The following FOXK1 variants were observed in gnomAD, a reference collection of about 807,000 sequenced individuals.
The protein encoded by FOXK1 is forkhead box protein K1.
In FOXK1, 19 loss-of-function variants were observed where a neutral mutation model predicts 51.9. The ratio of observed to expected loss-of-function variants is 0.37; its 90% CI spans 0.26 to 0.54. The LOEUF (loss-of-function observed/expected upper bound fraction) is 0.54, where lower values mean the gene tolerates loss of function less well. FOXK1 is among the 20% of genes least tolerant of loss of function. The pLI is 0.87. For missense variants in FOXK1, 870 were observed against 1,032.7 expected, an observed-to-expected ratio of 0.84 and a Z score of 2.16; for synonymous variants, 537 against 482.6, an observed-to-expected ratio of 1.11 and a Z score of -1.48.
chr7:4,738,861 C>G (rs1780592467), intron 1 of FOXK1, among the ~76,000 whole-genome samples: 1 of 152,174 alleles, frequency 6.6e-6, no homozygotes, highest in African/African-American at 2.4e-5. Context: ...CTGATTTTCT[C>G]TCTTCCATGT....
intron 1 of FOXK1, among the ~76,000 whole-genome samples, chr7:4,705,469 A>G (rs909337109): frequency 1.3e-5 from 2 of 149,446 alleles, no homozygotes; most frequent in South Asian, 2.1e-4. Context: ...GGCATAAGCA[A>G]TCATGCCTGG....
Position 4,711,386 on chromosome 7 carries a change from G to T in FOXK1, c.560+28518G>T, listed in dbSNP as rs1490608067. 1.3e-5 allele frequency among the ~76,000 whole-genome samples: 2 copies of T among 152,114 alleles called. No individual in the cohort carries two copies. Among genetic ancestry groups the T allele is most frequent in the African/African-American group, 4.8e-5 (2 of 41,424 alleles). On this transcript the variant is annotated intron_variant, in intron 1 of 8. Coordinates refer to ENST00000328914, the MANE Select transcript of FOXK1 (RefSeq NM_001037165.2). This position sits in a 1 kb window ranked among gnomAD's most constrained non-coding sequence, Gnocchi z 6.3. ...GAGAGGGTGTGGCAGTCCGGGGGTGGGTCCCAGCCAGCCGCCAGCTCTCCC... is the reference window on the plus strand; with the variant it reads ...GAGAGGGTGTGGCAGTCCGGGGGTGTGTCCCAGCCAGCCGCCAGCTCTCCC...
rs1780973565 is a variant in FOXK1 at position 4,763,991 on chromosome 7, C to CAGCCTCTCA, written c.*1528_*1536dup. 6.6e-6 allele frequency: 1 copy of CAGCCTCTCA among 152,340 alleles called. No individual in the cohort carries two copies. The highest frequency in any genetic ancestry group is 2.1e-4 in the South Asian group (1 of 4,836). The allele number at this position is 152,340 out of a possible 1,614,324, so 9.4% of individuals were successfully genotyped here. A position where few individuals can be genotyped will look rare whatever the true frequency, so the allele number is the denominator to read the frequency against. On this transcript the variant is annotated 3_prime_UTR_variant, in exon 9 of 9. Coordinates refer to ENST00000328914, the MANE Select transcript of FOXK1 (RefSeq NM_001037165.2). ...TGGAAATCGCCCGTCCTCCGCATCA[C>CAGCCTCTCA]AGCCTCTCACCAGCAAAGCAGCCTC... is the stretch of plus-strand genomic sequence containing the variant.
At chr7:4,699,693 G>A (rs1433341241) in intron 1 of FOXK1, among the ~76,000 whole-genome samples, 1 of 152,100 alleles carries the variant, frequency 6.6e-6, no homozygotes, top group Non-Finnish European at 1.5e-5. Flanking sequence ...TGATCACTTG[G>A]TTTAGGTGTT....
chr7:4,720,255 T>C (rs1332994062), intron 1 of FOXK1, among the ~76,000 whole-genome samples: 1 of 152,228 alleles, frequency 6.6e-6, no homozygotes, highest in Non-Finnish European at 1.5e-5. Flanking sequence ...CTGTACATTT[T>C]TCAGCCATTA....
At chr7:4,751,759 C>T (rs1484494345) in intron 2 of FOXK1, among the ~76,000 whole-genome samples, 1 of 152,336 alleles carries the variant, frequency 6.6e-6, no homozygotes, top group South Asian at 2.1e-4. Context: ...TCAGAAGCTG[C>T]GCTGTCGTAC....
intron 1 of FOXK1, among the ~76,000 whole-genome samples, chr7:4,693,613 C>G (rs1041765490): frequency 6.6e-6 from 1 of 152,090 alleles, no homozygotes; most frequent in Non-Finnish European, 1.5e-5. Flanking sequence ...GTGCCCTTGG[C>G]CTTTCAGCCA....
chr7:4,725,891 G>C (rs1780375206), intron 1 of FOXK1, among the ~76,000 whole-genome samples: 1 of 152,240 alleles, frequency 6.6e-6, no homozygotes, highest in Non-Finnish European at 1.5e-5. Flanking sequence ...AGGGGTGTGG[G>C]TTTGGGCCTG....
intron 1 of FOXK1, among the ~76,000 whole-genome samples, chr7:4,705,517 T>TC (rs1780072758): frequency 4.7e-4 from 52 of 111,566 alleles, no homozygotes; most frequent in Admixed American, 2.4e-3. Context: ...TTCCTTCTCT[T>TC]TCTCTCTCTC....
chr7:4,744,879 G>T lies in FOXK1; in HGVS notation c.746+3856G>T, dbSNP rs557250968. 2.9e-4 allele frequency among the ~76,000 whole-genome samples: 44 copies of T among 152,374 alleles called. 1 individual carries two copies. The highest frequency in any genetic ancestry group is 2.9e-5 in the Non-Finnish European group (2 of 68,034). ...CGGAGAAAGTAGTAAGTTAGGGACTGGCTGTCTGGCTTTTTGGCCTTCCAT... is the reference window on the plus strand; with the variant it reads ...CGGAGAAAGTAGTAAGTTAGGGACTTGCTGTCTGGCTTTTTGGCCTTCCAT... On this transcript the variant is annotated intron_variant, in intron 2 of 8. Coordinates refer to ENST00000328914, the MANE Select transcript of FOXK1 (RefSeq NM_001037165.2).
At position 4,693,591 on chromosome 7, in the gene FOXK1, C is replaced by T. The variant is rs770681918; in HGVS notation, c.560+10723C>T. 1.4e-4 allele frequency among the ~76,000 whole-genome samples: 21 copies of T among 152,280 alleles called. No individual in the cohort carries two copies. The Middle Eastern group carries it at 0.01, about 74-fold the overall frequency. On this transcript the variant is annotated intron_variant, in intron 1 of 8. Transcript: ENST00000328914. ...CCCTGGGGGCCTCTGTCGCCCAAGC[C>T]GCTCTCTGATGGTGCCCTTGGCCTT...
rs1307467034 is a variant in FOXK1 at position 4,709,562 on chromosome 7, G to A, written c.560+26694G>A. Among the ~76,000 whole-genome samples, 1 of 152,200 alleles carries A rather than the reference G, an allele frequency of 6.6e-6. No individual in the cohort carries two copies. The highest frequency in any genetic ancestry group is 1.5e-5 in the Non-Finnish European group (1 of 68,042). On this transcript the variant is annotated intron_variant, in intron 1 of 8. Coordinates refer to ENST00000328914, the MANE Select transcript of FOXK1 (RefSeq NM_001037165.2). The surrounding 1 kb of genome is among the most constrained non-coding windows in gnomAD (Gnocchi z 5.6). ...GGCGGACCTTCTCCGGGAGCCCTGT[G>A]CACAGTTGGCTTCGCAGCAGGCCTG...
chr7:4,710,669 G>A (rs1395039006), intron 1 of FOXK1, among the ~76,000 whole-genome samples: 1 of 152,184 alleles, frequency 6.6e-6, no homozygotes, highest in African/African-American at 2.4e-5. Context: ...TGCTCCTTGT[G>A]GGACCACAAG....
At chr7:4,720,013 GT>G (rs1780288984) in intron 1 of FOXK1, among the ~76,000 whole-genome samples, 2 of 152,274 alleles carry the variant, frequency 1.3e-5, no homozygotes, top group Admixed American at 1.3e-4. Flanking sequence ...CGTCCGATGT[GT>G]TGAGTTTTTT....
rs1160879739 is a variant in FOXK1, at chr7:4,764,379, C to A, written c.*1915C>A. On this transcript the variant is annotated 3_prime_UTR_variant, in exon 9 of 9. Transcript: ENST00000328914. Reference sequence around the variant, plus strand: ...AATAAGCTCTTTGTGGAAGTCCGTACCTGTTGCCCTGGGTGAGGTTTCAGA... The same window carrying A: ...AATAAGCTCTTTGTGGAAGTCCGTAACTGTTGCCCTGGGTGAGGTTTCAGA... 6.5e-6 allele frequency: 1 copy of A among 154,490 alleles called. No individual in the cohort carries two copies. Among genetic ancestry groups the A allele is most frequent in the Admixed American group, 6.5e-5 (1 of 15,294 alleles). 9.6% of individuals were successfully genotyped at this position (154,490 alleles called of 1,614,324 possible).
rs56842360 is a variant in FOXK1 at position 4,705,517 on chromosome 7, T to TTCTCTCTCTCTCTC, written c.560+22678_560+22691dup. 1.7e-3 allele frequency among the ~76,000 whole-genome samples: 188 copies of TTCTCTCTCTCTCTC among 111,474 alleles called. 1 individual carries two copies. The highest frequency in any genetic ancestry group is 3.7e-3 in the South Asian group (11 of 2,952). The allele number at this position is 111,474 out of a possible 152,430, so 73.1% of individuals were successfully genotyped here. On this transcript the variant is annotated intron_variant, in intron 1 of 8. Coordinates refer to ENST00000328914, the MANE Select transcript of FOXK1 (RefSeq NM_001037165.2). ...ATTCTTCTGTGTCATTTCCTTCTCT[T>TTCTCTCTCTCTCTC]TCTCTCTCTCTCTCTCTCTCTCTCT... is the stretch of plus-strand genomic sequence containing the variant.
Position 4,734,870 on chromosome 7 carries a change from C to T in FOXK1, c.561-5968C>T, listed in dbSNP as rs551557849. ...CGTCCTTCCGCTGGGAGAGACGGGG[C>T]GAGGGGACAGCGGTGGACAGGAGCG... On this transcript the variant is annotated intron_variant, in intron 1 of 8. Transcript: ENST00000328914. The surrounding 1 kb of genome is among the most constrained non-coding windows in gnomAD (Gnocchi z 5.2). Among the ~76,000 whole-genome samples, 11 of 152,262 alleles carry T rather than the reference C, an allele frequency of 7.2e-5. No homozygotes were observed. In the East Asian group the frequency reaches 1.5e-3, roughly 21 times the overall value.
rs566373301 is a variant in FOXK1 at position 4,769,030 on chromosome 7, T to A, written c.*6566T>A. 1 of 152,322 alleles carries A rather than the reference T, an allele frequency of 6.6e-6. No homozygotes were observed. Among genetic ancestry groups the A allele is most frequent in the East Asian group, 1.9e-4 (1 of 5,174 alleles). The allele number at this position is 152,322 out of a possible 1,614,324, so 9.4% of individuals were successfully genotyped here. A position where few individuals can be genotyped will look rare whatever the true frequency, so the allele number is the denominator to read the frequency against. ...CTGAAGTGAGCGTTCCTCCTCTGAA[T>A]TGGTGAGGCTTTGGAAATTTTTTGT... On this transcript the variant is annotated 3_prime_UTR_variant, in exon 9 of 9. Transcript: ENST00000328914. This position sits in a 1 kb window ranked among gnomAD's most constrained non-coding sequence, Gnocchi z 4.1.
chr7:4,720,031 C>T (rs944741823), intron 1 of FOXK1, among the ~76,000 whole-genome samples: 1 of 152,046 alleles, frequency 6.6e-6, no homozygotes, highest in African/African-American at 2.4e-5. Flanking sequence ...TTTTCTTTTT[C>T]TTTTATAGAT....
Sources: gnomAD v4.1 joint callset for allele counts (sites outside exome capture counted in the v4.1 genomes callset) on GRCh38, gnomAD v4.1.1 for gene constraint, Gnocchi (gnomAD v3.1) non-coding constraint, MANE v1.5 for transcripts, NCBI Gene and HGNC (gene_info 2026-07-23, HGNC 2026-07-21) for gene names.